The following TCN2 variants were observed in gnomAD, a reference collection of about 807,000 sequenced individuals.
TCN2 encodes transcobalamin 2.
A neutral mutation model predicts 48.6 loss-of-function variants in TCN2; 34 were observed. The observed-to-expected ratio is 0.70, with a 90% CI of 0.53 to 0.93. TCN2 has a LOEUF of 0.93. TCN2 is among the 40% of genes least tolerant of loss of function. The pLI is 0.00. For missense variants in TCN2, 652 were observed against 526.1 expected (o/e 1.24, Z -2.34); for synonymous variants, 283 against 212.5 (o/e 1.33, Z -2.89).
Position 30,614,488 on chromosome 22 carries a change from C to T in TCN2, c.567C>T (p.Gly189=), listed in dbSNP as rs143343408. The T allele has an allele frequency of 3.0e-5, 48 of 1,614,054 alleles. No homozygotes were observed. The highest frequency in any genetic ancestry group is 4.0e-5 in the Non-Finnish European group (47 of 1,180,038). Residue 189 remains glycine, a synonymous_variant, in exon 4 of 9, where the codon GGC becomes GGT. Coordinates refer to ENST00000215838, the MANE Select transcript of TCN2 (RefSeq NM_000355.4). ...ATGCTGTGGAACCTTTCCACCAGGG[C>T]CACCATTCTGTGGGTGAGTAGGTCA... ...LLYAVEPFHQ[G]HHSVDTAAMA... is the part of the protein sequence containing the mutation.
chr22:30,622,289 G>A (rs532014034), intron 7 of TCN2, among the ~76,000 whole-genome samples: 1 of 152,218 alleles, frequency 6.6e-6, no homozygotes, highest in East Asian at 1.9e-4. Context: ...GCCTGGCCCA[G>A]GCCCACGGAG....
At chr22:30,614,228 A>AT in intron 3 of TCN2, 121 bp from the exon 4 acceptor site, 1 of 1,316,636 alleles carries the variant, frequency 7.6e-7, no homozygotes, top group Non-Finnish European at 1.1e-6. Flanking sequence ...CAATGAAGGA[A>AT]TGAAGGATCC....
chr22:30,624,424 G>A (rs1263939705), intron 8 of TCN2, among the ~76,000 whole-genome samples: 1 of 152,044 alleles, frequency 6.6e-6, no homozygotes, highest in Non-Finnish European at 1.5e-5. Context: ...TATTTAAGTT[G>A]CTTTGATACT....
At chr22:30,624,704 C>G (rs1006185765) in intron 8 of TCN2, among the ~76,000 whole-genome samples, 1 of 152,146 alleles carries the variant, frequency 6.6e-6, no homozygotes, top group Non-Finnish European at 1.5e-5. Flanking sequence ...TCTCCTTCCC[C>G]CTCTGCCCTT....
chr22:30,626,649 T>C lies in TCN2; in HGVS notation c.*128T>C. 1 of 1,006,034 alleles carries C rather than the reference T, an allele frequency of 9.9e-7. No homozygotes were observed. The highest frequency in any genetic ancestry group is 1.5e-6 in the Non-Finnish European group (1 of 650,906). 62.3% of individuals were successfully genotyped at this position (1,006,034 alleles called of 1,614,324 possible). ...CCTGTGCACTTTGAGCAATGCCCCC[T>C]GGGATCACCCCAGCCACAAGCCCTT... On this transcript the variant is annotated 3_prime_UTR_variant, in exon 9 of 9. Transcript: ENST00000215838.
rs2145556771 is a variant in TCN2 at position 30,623,265 on chromosome 22, C to T, written c.1222+182C>T. Reference sequence around the variant, plus strand: ...AGCCTTAGAATTTTTATGCAAGTTACTGTGGAAATTCTAGGAAACCAGACA... The same window carrying T: ...AGCCTTAGAATTTTTATGCAAGTTATTGTGGAAATTCTAGGAAACCAGACA... On this transcript the variant is annotated intron_variant, in intron 8 of 8. Coordinates refer to ENST00000215838, the MANE Select transcript of TCN2 (RefSeq NM_000355.4). The T allele has an allele frequency of 7.4e-6, 4 of 543,904 alleles. No homozygotes were observed. In the South Asian group the frequency reaches 7.7e-5, roughly 11 times the overall value. 33.7% of individuals were successfully genotyped at this position (543,904 alleles called of 1,614,324 possible).
intron 7 of TCN2, among the ~76,000 whole-genome samples, chr22:30,618,771 C>T (rs2087653289): frequency 6.6e-6 from 1 of 152,126 alleles, no homozygotes; most frequent in African/African-American, 2.4e-5. Flanking sequence ...CACCACCACA[C>T]CCATCTACTT....
rs12160944 is a variant in TCN2, at chr22:30,618,730, A to G, written c.1106+1235A>G. ...ACATTCATAGCTCACTGCAGCCTCAAATTATCCAAGTAACAGGGACTACAG... is the reference window on the plus strand; with the variant it reads ...ACATTCATAGCTCACTGCAGCCTCAGATTATCCAAGTAACAGGGACTACAG... On this transcript the variant is annotated intron_variant, in intron 7 of 8. Transcript: ENST00000215838. Among the ~76,000 whole-genome samples the G allele has an allele frequency of 1.0e-2, 1,522 of 152,208 alleles. 24 individuals carry two copies. Among genetic ancestry groups the G allele is most frequent in the African/African-American group, 0.035 (1,451 of 41,520 alleles).
intron 8 of TCN2, among the ~76,000 whole-genome samples, chr22:30,623,715 GACAC>G (rs148657782): frequency 1.2e-4 from 12 of 103,030 alleles, no homozygotes; most frequent in African/African-American, 2.5e-4. Context: ...TATATATACA[GACAC>G]ACATATATAT....
At position 30,615,323 on chromosome 22, in the gene TCN2, G is replaced by A. The variant is rs767980244; in HGVS notation, c.603G>A (p.Leu201=). 3 of 1,614,174 alleles carry A rather than the reference G, an allele frequency of 1.9e-6. No individual in the cohort carries two copies. In the South Asian group the frequency reaches 3.3e-5, roughly 18 times the overall value. The change falls in exon 5 of 9, where the codon TTG becomes TTA. Residue 201 remains leucine, a synonymous_variant. Coordinates refer to ENST00000215838, the MANE Select transcript of TCN2 (RefSeq NM_000355.4). ...HSVDTAAMAG[L]AFTCLKRSNF... The stretch of plus-strand genomic sequence containing the variant: ...AAGACACAGCAGCCATGGCAGGCTT[G>A]GCATTCACCTGTCTGAAGCGCTCAA...
chr22:30,607,241 G>C lies in TCN2; in HGVS notation c.-91G>C, dbSNP rs139790649. ...GACAGGAAGCTGCGTCTCTCGGAGC[G>C]GTGACCAGCTGTGGTCAGGAGAGCC... On this transcript the variant is annotated 5_prime_UTR_variant, in exon 1 of 9. Transcript: ENST00000215838. 1.4e-5 allele frequency: 19 copies of C among 1,359,260 alleles called. No individual in the cohort carries two copies. Among genetic ancestry groups the C allele is most frequent in the Non-Finnish European group, 1.8e-5 (17 of 949,394 alleles). The allele number at this position is 1,359,260 out of a possible 1,614,324, so 84.2% of individuals were successfully genotyped here.
intron 6 of TCN2, among the ~76,000 whole-genome samples, chr22:30,616,957 A>AGGTGAGCGCATCAG (rs2087620343): frequency 6.6e-6 from 1 of 151,546 alleles, no homozygotes; most frequent in African/African-American, 2.4e-5. Flanking sequence ...AATGAAGAGA[A>AGGTGAGCGCATCAG]GGTGAGCGCA....
chr22:30,616,389 G>A (rs2087613104), intron 6 of TCN2, among the ~76,000 whole-genome samples: 2 of 151,728 alleles, frequency 1.3e-5, no homozygotes, highest in African/African-American at 4.8e-5. Flanking sequence ...TCAGGAGGCT[G>A]AGGCAAGAGA....
chr22:30,614,322 C>A, intron 3 of TCN2, 27 bp from the exon 4 acceptor site: 2 of 1,612,750 alleles, frequency 1.2e-6, no homozygotes, highest in Non-Finnish European at 1.7e-6. Flanking sequence ...GGCAGAGAGG[C>A]AACCCCTCTG....
intron 6 of TCN2, among the ~76,000 whole-genome samples, chr22:30,616,528 T>C (rs2087615016): frequency 6.8e-6 from 1 of 147,734 alleles, no homozygotes; most frequent in Non-Finnish European, 1.5e-5. Flanking sequence ...AAGCTGGACA[T>C]GGTGGCTCGT....
intron 8 of TCN2, 122 bp from the exon 9 acceptor site, chr22:30,626,338 A>C: frequency 9.4e-7 from 1 of 1,063,734 alleles, no homozygotes; most frequent in Admixed American, 2.0e-5. Context: ...CCAGCTTCCC[A>C]CCACCAAGCC....
intron 1 of TCN2, among the ~76,000 whole-genome samples, chr22:30,609,057 T>G (rs771197947): frequency 3.3e-5 from 5 of 152,062 alleles, no homozygotes; most frequent in Non-Finnish European, 7.4e-5. Flanking sequence ...ACACCTGCTC[T>G]CCCAGTTTAA....
rs1164248038 is a variant in TCN2 at position 30,626,389 on chromosome 22, T to A, written c.1223-71T>A. On this transcript the variant is annotated intron_variant, in intron 8 of 8. Transcript: ENST00000215838. ...CAGACTCTAGCCTCAGGGTGGGGGGTCTGGAAGATGAGGTTGCGGGGTGCG... is the reference window on the plus strand; with the variant it reads ...CAGACTCTAGCCTCAGGGTGGGGGGACTGGAAGATGAGGTTGCGGGGTGCG... The A allele has an allele frequency of 1.3e-5, 20 of 1,514,144 alleles. No individual in the cohort carries two copies. In the East Asian group the frequency reaches 2.9e-4, roughly 22 times the overall value. 93.8% of individuals were successfully genotyped at this position (1,514,144 alleles called of 1,614,324 possible).
intron 8 of TCN2, among the ~76,000 whole-genome samples, chr22:30,626,074 G>A (rs2087804273): frequency 6.6e-6 from 1 of 152,118 alleles, no homozygotes. Context: ...GACAGAGCTG[G>A]GGCTTGAATC....
Sources: allele counts gnomAD v4.1 joint callset (sites outside exome capture counted in the v4.1 genomes callset), GRCh38; gene constraint gnomAD v4.1.1; transcripts MANE v1.5; gene names NCBI Gene and HGNC (gene_info 2026-07-23, HGNC 2026-07-21).